Variants in GPC1 observed in about 807,000 individuals in gnomAD.
GPC1 encodes glypican 1.
Under a neutral mutation model 51.5 loss-of-function variants are expected in GPC1, and 26 were observed. The observed-to-expected ratio is 0.50, with a 90% CI of 0.37 to 0.70. The LOEUF (loss-of-function observed/expected upper bound fraction) is 0.70, where lower values mean the gene tolerates loss of function less well. Among genes scored for constraint, GPC1 ranks in the 30% least tolerant of loss-of-function variants. The pLI is 0.00. For synonymous variants in GPC1, 380 were observed against 348.3 expected, an observed-to-expected ratio of 1.09 and a Z score of -1.01; for missense variants, 775 against 800.5, an observed-to-expected ratio of 0.97 and a Z score of 0.38.
At chr2:240,463,697 G>A in intron 4 of GPC1, 185 bp downstream of exon 4, 1 of 590,884 alleles carries the variant, frequency 1.7e-6, no homozygotes, top group South Asian at 2.1e-5. Context: ...TGAATGTCCT[G>A]AGTGATGTGT....
rs140790256 is a variant in GPC1, at chr2:240,459,144, G to A, written c.281G>A (p.Arg94His). 6.9e-5 allele frequency: 111 copies of A among 1,612,574 alleles called. No homozygotes were observed. Among genetic ancestry groups the A allele is most frequent in the Middle Eastern group, 3.3e-4 (2 of 6,056 alleles). ...GAGACCGCGCTCCGGGACAGCAGCC[G>A]CGTCCTGCAGGCCATGCTTGCCACC... ...ELETALRDSS[R>H]VLQAMLATQL... The change falls in exon 2 of 9, where the codon CGC becomes CAC. Residue 94 changes from arginine (R) to histidine (H), a missense_variant. Transcript: ENST00000264039.
rs1042829 is a variant in GPC1, at chr2:240,462,324, C to T, written c.459C>T (p.Arg153=). 318,887 of 1,603,692 alleles carry T rather than the reference C, an allele frequency of 0.2. 33,210 individuals carry two copies. The highest frequency in any genetic ancestry group is 0.21 in the Non-Finnish European group (250,581 of 1,175,540). Residue 153 remains arginine, a synonymous_variant, in exon 3 of 9, where the codon CGC becomes CGT. Transcript: ENST00000264039. The stretch of plus-strand genomic sequence containing the variant: ...ACTCAGAGCTGCGCCTGTACTACCG[C>T]GGTGCCAACCTGCACCTGGAGGAGA... ...DLYSELRLYY[R]GANLHLEETL... is the part of the protein sequence containing the mutation.
At chr2:240,439,957 C>A (rs907656863) in intron 1 of GPC1, among the ~76,000 whole-genome samples, 1 of 152,238 alleles carries the variant, frequency 6.6e-6, no homozygotes, top group African/African-American at 2.4e-5. Context: ...CCTGCTGGAC[C>A]GCCAAGCCTC....
chr2:240,435,965 C>G lies in GPC1; in HGVS notation c.47C>G (p.Ala16Gly). 2 of 1,336,240 alleles carry G rather than the reference C, an allele frequency of 1.5e-6. No individual in the cohort carries two copies. Among genetic ancestry groups the G allele is most frequent in the Non-Finnish European group, 1.9e-6 (2 of 1,042,268 alleles). 82.8% of individuals were successfully genotyped at this position (1,336,240 alleles called of 1,614,324 possible). Residue 16 changes from alanine (A) to glycine (G), a missense_variant, in exon 1 of 9, where the codon GCG becomes GGG. Coordinates refer to ENST00000264039, the MANE Select transcript of GPC1 (RefSeq NM_002081.3). ...TGGTGGCTGCTATGTGCGGCCGCAG[C>G]GCTGGTCGCCTGCGCCCGCGGGGAC... is the stretch of plus-strand genomic sequence containing the variant. ...RGWWLLCAAA[A>G]LVACARGDPA...
chr2:240,457,933 G>T, intron 1 of GPC1: 2 of 415,982 alleles, frequency 4.8e-6, no homozygotes, highest in Non-Finnish European at 1.0e-5. Flanking sequence ...CCACCCCTCT[G>T]ACCAAGCCAG....
At chr2:240,438,690 A>C (rs562814450) in intron 1 of GPC1, among the ~76,000 whole-genome samples, 101 of 152,318 alleles carry the variant, frequency 6.6e-4, no homozygotes, top group African/African-American at 2.3e-3. Context: ...CCTCTGCCCC[A>C]GGGACCAGAA....
rs570640065 is a variant in GPC1 at position 240,465,246 on chromosome 2, C to T, written c.1268+36C>T. 1.7e-5 allele frequency: 27 copies of T among 1,573,262 alleles called. No homozygotes were observed. The African/African-American group carries it at 3.4e-4, about 20-fold the overall frequency. ...ACCTGGCTGGCACAGCCCTCCCTCC[C>T]ATGCCGCCTCCATTGGGCTGTGCCT... is the stretch of plus-strand genomic sequence containing the variant. On this transcript the variant is annotated intron_variant, in intron 7 of 8. Coordinates refer to ENST00000264039, the MANE Select transcript of GPC1 (RefSeq NM_002081.3).
chr2:240,439,060 C>T (rs1038341308), intron 1 of GPC1, among the ~76,000 whole-genome samples: 2 of 152,200 alleles, frequency 1.3e-5, no homozygotes, highest in Admixed American at 1.3e-4. Flanking sequence ...CATAGGTGTT[C>T]CCAGAGCACC....
At chr2:240,449,373 A>G (rs2074076530) in intron 1 of GPC1, 1 of 145,778 alleles carries the variant, frequency 6.9e-6, no homozygotes, top group Non-Finnish European at 1.5e-5. Context: ...AAGACAGGAC[A>G]CGAGGTACAT....
chr2:240,459,208 G>T lies in GPC1; in HGVS notation c.325+20G>T. 1 of 1,605,430 alleles carries T rather than the reference G, an allele frequency of 6.2e-7. No homozygotes were observed. Among genetic ancestry groups the T allele is most frequent in the Non-Finnish European group, 8.5e-7 (1 of 1,175,842 alleles). On this transcript the variant is annotated intron_variant, in intron 2 of 8. Coordinates refer to ENST00000264039, the MANE Select transcript of GPC1 (RefSeq NM_002081.3). ...TCGATGGTGAGTGCCTCCCACGGGC[G>T]CTCGGGGCCCGCAGGGTGCCGGTGC...
intron 4 of GPC1, chr2:240,464,270 C>T: frequency 3.0e-6 from 1 of 330,352 alleles, no homozygotes; most frequent in Non-Finnish European, 5.9e-6. Flanking sequence ...CATGTGCACA[C>T]AAGCTGGACC....
Position 240,466,311 on chromosome 2 carries a change from CA to C in GPC1, c.*22del. The C allele has an allele frequency of 7.4e-7, 1 of 1,350,670 alleles. No homozygotes were observed. Among genetic ancestry groups the C allele is most frequent in the African/African-American group, 1.4e-5 (1 of 70,154 alleles). 83.7% of individuals were successfully genotyped at this position (1,350,670 alleles called of 1,614,324 possible). A position where few individuals can be genotyped will look rare whatever the true frequency, so the allele number is the denominator to read the frequency against. ...GGTAACTGCCCCAAGGCCCCAGGGACAGAGGCCAAGGACTGACTTTGCCAAA... is the reference window on the plus strand; with the variant it reads ...GGTAACTGCCCCAAGGCCCCAGGGACGAGGCCAAGGACTGACTTTGCCAAA... On this transcript the variant is annotated 3_prime_UTR_variant, in exon 9 of 9. Transcript: ENST00000264039.
chr2:240,461,502 C>T (rs2074215703), intron 2 of GPC1, among the ~76,000 whole-genome samples: 1 of 152,118 alleles, frequency 6.6e-6, no homozygotes, highest in Admixed American at 6.5e-5. Flanking sequence ...TTCCCTAAAG[C>T]CCCTGCAGCA....
chr2:240,460,329 A>G (rs74001659), intron 2 of GPC1, among the ~76,000 whole-genome samples: 5,810 of 151,874 alleles, frequency 0.038, 354 homozygotes, highest in African/African-American at 0.13. Flanking sequence ...GGACCCGGGG[A>G]GCGAGCCCCT....
At chr2:240,459,456 C>T (rs2074198707) in intron 2 of GPC1, among the ~76,000 whole-genome samples, 1 of 152,198 alleles carries the variant, frequency 6.6e-6, no homozygotes, top group Non-Finnish European at 1.5e-5. Flanking sequence ...GAGGGCCTAT[C>T]CCATCAGCCC....
At chr2:240,464,583 G>A (rs764927102) in intron 4 of GPC1, 33 bp from the exon 5 acceptor site, 23 of 1,544,066 alleles carry the variant, frequency 1.5e-5, no homozygotes, top group Middle Eastern at 1.7e-4. Context: ...GCGCGTTAAC[G>A]CCTGTGTGTC....
In GPC1 at chr2:240,464,991, G is replaced by C; in HGVS notation, c.1134+16G>C. 6.4e-7 allele frequency: 1 copy of C among 1,562,572 alleles called. No individual in the cohort carries two copies. Among genetic ancestry groups the C allele is most frequent in the Non-Finnish European group, 8.7e-7 (1 of 1,153,922 alleles). ...GGAGAAGCTGGTGAGTGGCCCCTGC[G>C]TGTCCACTGGACCAGGCATGAGGGA... On this transcript the variant is annotated intron_variant, in intron 6 of 8. Coordinates refer to ENST00000264039, the MANE Select transcript of GPC1 (RefSeq NM_002081.3).
At chr2:240,452,911 C>G (rs2074114294) in intron 1 of GPC1, 1 of 282,064 alleles carries the variant, frequency 3.5e-6, no homozygotes, top group Non-Finnish European at 7.1e-6. Flanking sequence ...TGGCTTTTCG[C>G]CTCCTGCGAG....
At chr2:240,449,668 T>C (rs1203812032) in intron 1 of GPC1, 3 of 345,206 alleles carry the variant, frequency 8.7e-6, no homozygotes, top group Non-Finnish European at 1.7e-5. Flanking sequence ...CCTTTTCATC[T>C]TGTAAAACTG....
Sources: gnomAD v4.1 joint callset for allele counts (sites outside exome capture counted in the v4.1 genomes callset) on GRCh38, gnomAD v4.1.1 for gene constraint, MANE v1.5 for transcripts, NCBI Gene and HGNC (gene_info 2026-07-23, HGNC 2026-07-21) for gene names.